Variants in RAB3GAP2 observed in about 807,000 individuals in gnomAD.
The protein encoded by RAB3GAP2 is RAB3 GTPase activating non-catalytic protein subunit 2, also known as rab3 GTPase-activating protein non-catalytic subunit.
In RAB3GAP2, 87 loss-of-function variants were observed where a neutral mutation model predicts 185.3. The ratio of observed to expected loss-of-function variants is 0.47; its 90% confidence interval spans 0.39 to 0.56. The LOEUF is 0.56. RAB3GAP2 is among the 20% of genes least tolerant of loss of function. The probability of loss-of-function intolerance (pLI) is 0.00; values close to 1 mark genes in which losing one functional copy is unlikely to be tolerated. For synonymous variants in RAB3GAP2, 554 were observed against 576.1 expected (o/e 0.96, Z 0.55); for missense variants, 1,492 against 1,638.2 (o/e 0.91, Z 1.54).
At position 220,182,903 on chromosome 1, in the gene RAB3GAP2, T is replaced by C. The variant is rs774771619; in HGVS notation, c.2027A>G (p.Glu676Gly). The change falls in exon 20 of 35, where the codon GAA becomes GGA. Residue 676 changes from glutamate (E) to glycine (G), a missense_variant. Around this residue, in one of 5 missense-constraint regions of RAB3GAP2, gnomAD observed 681 missense variants for 689.1 expected, o/e 0.99. Coordinates refer to ENST00000358951, the MANE Select transcript of RAB3GAP2 (RefSeq NM_012414.4). ...NDLALLLRLDEKELLKLQALL... is the reference protein window; with the variant it reads ...NDLALLLRLDGKELLKLQALL... The stretch of plus-strand genomic sequence containing the variant: ...TGCCTGGAGCTTAAGCAGTTCTTTT[T>C]CATCAAGCCTTAGTAACAGAGCCAA... 4.2e-5 allele frequency: 67 copies of C among 1,613,252 alleles called. No individual in the cohort carries two copies. The highest frequency in any genetic ancestry group is 5.7e-5 in the Non-Finnish European group (67 of 1,179,542).
intron 1 of RAB3GAP2, chr1:220,254,457 G>A (rs1383129211): frequency 7.0e-5 from 113 of 1,613,312 alleles, no homozygotes; most frequent in Non-Finnish European, 9.1e-5. Context: ...ATTTCCTAAA[G>A]TACCTGGCAA....
rs1413540562 is a variant in RAB3GAP2 at position 220,151,179 on chromosome 1, T to TTA, written c.*70_*71dup. 21 of 1,465,322 alleles carry TTA rather than the reference T, an allele frequency of 1.4e-5. No homozygotes were observed. Among genetic ancestry groups the TTA allele is most frequent in the Non-Finnish European group, 1.9e-5 (20 of 1,056,318 alleles). The allele number at this position is 1,465,322 out of a possible 1,614,324, so 90.8% of individuals were successfully genotyped here. ...TACTTTTCCCATAAAATTCCAGGTC[T>TTA]TACTATGTAAAATAACCATGCACTA... On this transcript the variant is annotated 3_prime_UTR_variant, in exon 35 of 35. Transcript: ENST00000358951.
intron 1 of RAB3GAP2, chr1:220,254,649 A>G: frequency 3.6e-6 from 3 of 833,412 alleles, no homozygotes; most frequent in Non-Finnish European, 5.9e-6. Context: ...ATAACAATTG[A>G]TGTTTGTTTT....
intron 21 of RAB3GAP2, among the ~76,000 whole-genome samples, chr1:220,181,031 T>G (rs1658394712): frequency 6.6e-6 from 1 of 152,190 alleles, no homozygotes; most frequent in Admixed American, 6.5e-5. Flanking sequence ...TTTTAACAAT[T>G]TACACATTTA....
At chr1:220,267,863 T>C (rs2102538248) in intron 1 of RAB3GAP2, 1 of 989,208 alleles carries the variant, frequency 1.0e-6, no homozygotes, top group East Asian at 2.4e-5. Context: ...GACCTCCAAC[T>C]GGAGTTTTAG....
At chr1:220,191,029 C>A in intron 14 of RAB3GAP2, 39 bp downstream of exon 14, 2 of 1,537,974 alleles carry the variant, frequency 1.3e-6, no homozygotes, top group African/African-American at 1.4e-5. Context: ...TCCTATATTT[C>A]ATTTTGTAAC....
chr1:220,250,077 C>T (rs1366190520), intron 1 of RAB3GAP2, among the ~76,000 whole-genome samples: 1 of 152,164 alleles, frequency 6.6e-6, no homozygotes, highest in African/African-American at 2.4e-5. Context: ...CCATTGTTCT[C>T]CTGAACCCAG....
intron 18 of RAB3GAP2, among the ~76,000 whole-genome samples, chr1:220,185,211 G>A (rs1395658378): frequency 4.6e-5 from 7 of 152,002 alleles, no homozygotes; most frequent in South Asian, 2.1e-4. Flanking sequence ...ACATTTTGAC[G>A]GACTGATGGA....
At chr1:220,163,599 T>C (rs911493686) in intron 27 of RAB3GAP2, among the ~76,000 whole-genome samples, 2 of 151,108 alleles carry the variant, frequency 1.3e-5, no homozygotes, top group African/African-American at 4.8e-5. Flanking sequence ...CCTGACCTCG[T>C]GATCCGCCCG....
chr1:220,267,146 T>A, intron 1 of RAB3GAP2: 1 of 1,214,404 alleles, frequency 8.2e-7, no homozygotes, highest in Non-Finnish European at 1.2e-6. Flanking sequence ...TTCTCTGGCT[T>A]AATGTCTCTA....
At chr1:220,171,161 G>C (rs1331166908) in intron 23 of RAB3GAP2, 41 bp from the exon 24 acceptor site, 4 of 1,551,262 alleles carry the variant, frequency 2.6e-6, no homozygotes, top group Middle Eastern at 1.7e-4. Context: ...CAAAGATTCT[G>C]AATCAATATT....
chr1:220,267,060 C>A, intron 1 of RAB3GAP2: 2 of 1,607,066 alleles, frequency 1.2e-6, no homozygotes, highest in Non-Finnish European at 1.7e-6. Flanking sequence ...AGAGAGTGGT[C>A]CTCCTGGAAG....
At chr1:220,151,537 CTG>C (rs1470405346) in intron 34 of RAB3GAP2, 67 bp downstream of exon 34, 4 of 1,585,854 alleles carry the variant, frequency 2.5e-6, no homozygotes, top group African/African-American at 2.7e-5. Flanking sequence ...TTCTTCATAA[CTG>C]TTATTAACCA....
At chr1:220,159,546 G>C in intron 28 of RAB3GAP2, 125 bp from the exon 29 acceptor site, 1 of 697,872 alleles carries the variant, frequency 1.4e-6, no homozygotes, top group South Asian at 1.8e-5. Context: ...AAATGTGACA[G>C]CCTCATTAAT....
chr1:220,269,886 G>T (rs561927134), intron 1 of RAB3GAP2, among the ~76,000 whole-genome samples: 4 of 152,294 alleles, frequency 2.6e-5, no homozygotes, highest in African/African-American at 9.6e-5. Flanking sequence ...CCTGGACCAG[G>T]AGAGTGGTAG....
chr1:220,190,911 A>C (rs1240610966), intron 14 of RAB3GAP2, among the ~76,000 whole-genome samples, 157 bp downstream of exon 14: 2 of 152,080 alleles, frequency 1.3e-5, no homozygotes, highest in Non-Finnish European at 2.9e-5. Flanking sequence ...TTAAATACTT[A>C]AGTACATGCC....
At chr1:220,172,837 G>A (rs868307471) in intron 21 of RAB3GAP2, 95 bp from the exon 22 acceptor site, 1 of 784,228 alleles carries the variant, frequency 1.3e-6, no homozygotes, top group Non-Finnish European at 2.2e-6. Context: ...GCATATGGAT[G>A]ATGCAGCTTC....
chr1:220,214,986 T>C (rs1659163375), intron 2 of RAB3GAP2, among the ~76,000 whole-genome samples: 1 of 91,624 alleles, frequency 1.1e-5, no homozygotes, highest in African/African-American at 4.9e-5. Context: ...ACTTCTATAC[T>C]TTGCTTTTTT....
At chr1:220,174,226 CTTAA>C (rs1658244117) in intron 21 of RAB3GAP2, among the ~76,000 whole-genome samples, 1 of 151,940 alleles carries the variant, frequency 6.6e-6, no homozygotes, top group Non-Finnish European at 1.5e-5. Flanking sequence ...TATATATGCA[CTTAA>C]TTTTTACACT....
Sources: gnomAD v4.1 joint callset for allele counts (sites outside exome capture counted in the v4.1 genomes callset) on GRCh38, gnomAD v4.1.1 for gene constraint, gnomAD v4.1.1 regional missense constraint, MANE v1.5 for transcripts, NCBI Gene and HGNC (gene_info 2026-07-23, HGNC 2026-07-21) for gene names.